The following SEPTIN11 variants were observed in gnomAD, a reference collection of about 807,000 sequenced individuals.
The protein encoded by SEPTIN11 is septin 11.
A neutral mutation model predicts 51.4 loss-of-function variants in SEPTIN11; 25 were observed. That is an observed-to-expected ratio of 0.49 (90% confidence interval 0.35 to 0.68). The LOEUF (loss-of-function observed/expected upper bound fraction) is 0.68, where lower values mean the gene tolerates loss of function less well. Ranked by LOEUF, SEPTIN11 falls within the 30% of genes least tolerant of loss-of-function variation. The pLI, the probability that SEPTIN11 is intolerant of heterozygous loss-of-function variation, is 0.00. For missense variants in SEPTIN11, 381 were observed against 520.8 expected, an observed-to-expected ratio of 0.73 and a Z score of 2.61; for synonymous variants, 174 against 184.1, an observed-to-expected ratio of 0.95 and a Z score of 0.44.
chr4:77,000,153 A>G (rs750870405), intron 2 of SEPTIN11, among the ~76,000 whole-genome samples: 1 of 152,238 alleles, frequency 6.6e-6, no homozygotes, highest in African/African-American at 2.4e-5. Flanking sequence ...GTTTGATAGT[A>G]GAGTCAAAGT....
At chr4:77,009,732 C>T (rs1255321968) in intron 3 of SEPTIN11, 1 of 152,156 alleles carries the variant, frequency 6.6e-6, no homozygotes, top group African/African-American at 2.4e-5. Flanking sequence ...GGAGGAGGTG[C>T]TAAAAGCTAA....
Position 77,011,779 on chromosome 4 carries a change from A to C in SEPTIN11, c.383A>C (p.Tyr128Ser). 2 of 1,614,166 alleles carry C rather than the reference A, an allele frequency of 1.2e-6. No homozygotes were observed. Among genetic ancestry groups the C allele is most frequent in the Non-Finnish European group, 1.7e-6 (2 of 1,179,992 alleles). ...TATATTGATGCCCAGTTCGAGGCCTACCTGCAAGAGGAATTGAAGATTAAA... is the reference window on the plus strand; with the variant it reads ...TATATTGATGCCCAGTTCGAGGCCTCCCTGCAAGAGGAATTGAAGATTAAA... Reference protein sequence around the residue: ...VEYIDAQFEAYLQEELKIKRS... With the variant: ...VEYIDAQFEASLQEELKIKRS... Residue 128 changes from tyrosine to serine, a missense_variant, in exon 4 of 10, where the codon TAC becomes TCC. By Grantham distance (144) the Tyr-to-Ser change is moderately radical (BLOSUM62 -2). This residue lies in a region of SEPTIN11 where 184 missense variants were observed against 207.7 expected (regional missense o/e 0.89). Transcript: ENST00000264893.
chr4:77,033,076 A>T (rs757010800), intron 9 of SEPTIN11, among the ~76,000 whole-genome samples: 2 of 152,156 alleles, frequency 1.3e-5, no homozygotes, highest in Non-Finnish European at 2.9e-5. Context: ...TTTTTTGTAT[A>T]ACTTTTTCTA....
chr4:77,031,957 T>C (rs745770691), intron 9 of SEPTIN11: 3 of 152,176 alleles, frequency 2.0e-5, no homozygotes, highest in African/African-American at 7.2e-5. Context: ...TGTAAAAACA[T>C]TGATGCTCAA....
intron 1 of SEPTIN11, among the ~76,000 whole-genome samples, chr4:76,979,325 T>C (rs948999901): frequency 4.6e-5 from 7 of 152,204 alleles, no homozygotes; most frequent in Non-Finnish European, 1.0e-4. Context: ...GTGAAGAAAG[T>C]GGCATTTTGC....
chr4:77,017,881 C>T (rs1725410771), intron 5 of SEPTIN11, among the ~76,000 whole-genome samples: 1 of 152,182 alleles, frequency 6.6e-6, no homozygotes, highest in African/African-American at 2.4e-5. Flanking sequence ...TTGTCTTGGA[C>T]ACCATCTCTA....
At chr4:76,958,052 A>G (rs556614447) in intron 1 of SEPTIN11, among the ~76,000 whole-genome samples, 10 of 152,356 alleles carry the variant, frequency 6.6e-5, no homozygotes, top group Middle Eastern at 3.4e-3. Flanking sequence ...GGAAAGGACT[A>G]TATGTCCTAT....
intron 2 of SEPTIN11, among the ~76,000 whole-genome samples, chr4:77,001,162 AGCATTG>A (rs1171851895): frequency 6.6e-6 from 1 of 152,184 alleles, no homozygotes; most frequent in Non-Finnish European, 1.5e-5. Context: ...CATGTTTACT[AGCATTG>A]GCAGGAATAG....
chr4:77,016,633 C>CACATATATATAT lies in SEPTIN11; in HGVS notation c.687+1617_687+1618insCATATATATATA, dbSNP rs1375044162. Among the ~76,000 whole-genome samples, 158 of 72,736 alleles carry CACATATATATAT rather than the reference C, an allele frequency of 2.2e-3. 8 individuals carry two copies. Among genetic ancestry groups the CACATATATATAT allele is most frequent in the African/African-American group, 3.9e-3 (75 of 19,076 alleles). 47.7% of individuals were successfully genotyped at this position (72,736 alleles called of 152,430 possible). A position where few individuals can be genotyped will look rare whatever the true frequency, so the allele number is the denominator to read the frequency against. Reference sequence around the variant, plus strand: ...ATATACACATATATATATATATACACATATATATATATATATATATATACA... The same window carrying CACATATATATAT: ...ATATACACATATATATATATATACACACATATATATATATATATATATATATATATATATACA... On this transcript the variant is annotated intron_variant, in intron 5 of 9. Transcript: ENST00000264893.
In SEPTIN11 at chr4:77,034,557, G is replaced by C; in HGVS notation, c.*45G>C. The C allele has an allele frequency of 6.6e-7, 1 of 1,525,348 alleles. No individual in the cohort carries two copies. The highest frequency in any genetic ancestry group is 1.4e-5 in the South Asian group (1 of 73,702). 94.5% of individuals were successfully genotyped at this position (1,525,348 alleles called of 1,614,324 possible). On this transcript the variant is annotated 3_prime_UTR_variant, in exon 10 of 10. Coordinates refer to ENST00000264893, the MANE Select transcript of SEPTIN11 (RefSeq NM_018243.4). ...GTTCCCGCATTCACCTGCTTTTGCAGTAATATCGTATCTCTGCCATGTGTG... is the reference window on the plus strand; with the variant it reads ...GTTCCCGCATTCACCTGCTTTTGCACTAATATCGTATCTCTGCCATGTGTG...
chr4:76,950,007 C>T, intron 1 of SEPTIN11, 77 bp downstream of exon 1: 7 of 1,309,148 alleles, frequency 5.3e-6, no homozygotes, highest in Non-Finnish European at 6.8e-6. Context: ...GTGAGGACCA[C>T]AGGGGAGCCG....
chr4:76,973,630 A>G (rs1188549391), intron 1 of SEPTIN11, among the ~76,000 whole-genome samples: 1 of 152,236 alleles, frequency 6.6e-6, no homozygotes, highest in Non-Finnish European at 1.5e-5. Context: ...CAAACAGCAC[A>G]GAAACCAAAA....
At chr4:76,975,942 A>G (rs1180500476) in intron 1 of SEPTIN11, among the ~76,000 whole-genome samples, 2 of 152,220 alleles carry the variant, frequency 1.3e-5, no homozygotes, top group Non-Finnish European at 2.9e-5. Context: ...ATAAAGAAAA[A>G]CAAGAAAAGA....
chr4:76,965,008 C>G (rs1404056625), intron 1 of SEPTIN11, among the ~76,000 whole-genome samples: 1 of 152,166 alleles, frequency 6.6e-6, no homozygotes, highest in Non-Finnish European at 1.5e-5. Flanking sequence ...TGAGTTAAAA[C>G]TTGGCATTGC....
At chr4:77,005,940 C>A in intron 3 of SEPTIN11, 144 bp downstream of exon 3, 1 of 701,430 alleles carries the variant, frequency 1.4e-6, no homozygotes, top group Non-Finnish European at 2.3e-6. Context: ...ATATTCTTGT[C>A]CTCTGAGAAT....
At chr4:76,971,720 A>G (rs1373527461) in intron 1 of SEPTIN11, among the ~76,000 whole-genome samples, 5 of 152,186 alleles carry the variant, frequency 3.3e-5, no homozygotes, top group Non-Finnish European at 7.3e-5. Context: ...AGATGCCAAG[A>G]CTTTATGAGC....
intron 1 of SEPTIN11, chr4:76,996,013 C>A: frequency 2.2e-6 from 3 of 1,334,678 alleles, no homozygotes; most frequent in African/African-American, 1.5e-5. Context: ...TTTTATGTAT[C>A]TGGAAGAGTG....
intron 5 of SEPTIN11, among the ~76,000 whole-genome samples, chr4:77,016,297 G>A (rs1725217217): frequency 6.6e-6 from 1 of 151,578 alleles, no homozygotes. Flanking sequence ...AGATTGCATG[G>A]CTGTGGGTAG....
At chr4:76,994,200 T>TA (rs1261954835) in intron 1 of SEPTIN11, among the ~76,000 whole-genome samples, 1 of 152,212 alleles carries the variant, frequency 6.6e-6, no homozygotes, top group Non-Finnish European at 1.5e-5. Flanking sequence ...GCTGGTGCCA[T>TA]GGCTTCTCCT....
Sources: gnomAD v4.1 joint callset for allele counts (sites outside exome capture counted in the v4.1 genomes callset) on GRCh38, gnomAD v4.1.1 for gene constraint, gnomAD v4.1.1 regional missense constraint, MANE v1.5 for transcripts, NCBI Gene and HGNC (gene_info 2026-07-23, HGNC 2026-07-21) for gene names.